The following LRMDA variants were observed in gnomAD, a reference collection of about 807,000 sequenced individuals.
LRMDA encodes leucine-rich melanocyte differentiation-associated protein.
LRMDA carries 18 observed loss-of-function variants against 29.8 expected under a neutral mutation model. That is an observed-to-expected ratio of 0.60 (90% CI 0.42 to 0.90). The LOEUF (loss-of-function observed/expected upper bound fraction) is 0.90, where lower values mean the gene tolerates loss of function less well. Ranked by LOEUF, LRMDA falls within the 40% of genes least tolerant of loss-of-function variation. LRMDA has a pLI of 0.00. For missense variants in LRMDA, 273 were observed against 273.9 expected (o/e 1.00, Z 0.02); for synonymous variants, 125 against 109.4 (o/e 1.14, Z -0.89).
chr10:75,662,938 G>A (rs1364916308), intron 2 of LRMDA, among the ~76,000 whole-genome samples: 8 of 152,166 alleles, frequency 5.3e-5, no homozygotes, highest in Admixed American at 2.0e-4. Flanking sequence ...GGTGCCTTGC[G>A]TAACCATGGT....
chr10:76,217,249 A>G (rs1851744766), intron 5 of LRMDA, among the ~76,000 whole-genome samples: 1 of 152,232 alleles, frequency 6.6e-6, no homozygotes, highest in African/African-American at 2.4e-5. Context: ...CAACTGCAAT[A>G]TAGTGACATG....
chr10:75,664,609 G>A (rs1431920222), intron 2 of LRMDA, among the ~76,000 whole-genome samples: 1 of 152,188 alleles, frequency 6.6e-6, no homozygotes, highest in Non-Finnish European at 1.5e-5. Flanking sequence ...CATCAGGGAA[G>A]TCTACATGAA....
intron 2 of LRMDA, among the ~76,000 whole-genome samples, chr10:75,940,583 T>C (rs1386839905): frequency 6.6e-6 from 1 of 152,174 alleles, no homozygotes; most frequent in African/African-American, 2.4e-5. Flanking sequence ...ACTTTCTGTC[T>C]TGTGTTAGAG....
At chr10:75,495,641 C>CTTTGAGATCCA (rs1845035779) in intron 2 of LRMDA, among the ~76,000 whole-genome samples, 1 of 152,188 alleles carries the variant, frequency 6.6e-6, no homozygotes, top group Non-Finnish European at 1.5e-5. Flanking sequence ...AGGGCAACCC[C>CTTTGAGATCCA]TTTGAGATCC....
At chr10:75,905,855 T>A (rs1845749263) in intron 2 of LRMDA, among the ~76,000 whole-genome samples, 2 of 152,122 alleles carry the variant, frequency 1.3e-5, no homozygotes, top group Admixed American at 1.3e-4. Flanking sequence ...TCTCTCTGTC[T>A]AAGGCATTCA....
rs150522711 is a variant in LRMDA at position 75,785,762 on chromosome 10, G to A, written c.132-250246G>A. 5.2e-3 allele frequency among the ~76,000 whole-genome samples: 797 copies of A among 152,300 alleles called. 11 individuals carry two copies. Among genetic ancestry groups the A allele is most frequent in the African/African-American group, 0.018 (765 of 41,566 alleles). On this transcript the variant is annotated intron_variant, in intron 2 of 6. Transcript: ENST00000611255. ...AATCTATCAAAACGATAGATATTTA[G>A]CCTCTTTACTGGATATGAAACATTA...
chr10:76,462,545 C>T (rs149659864), intron 6 of LRMDA, among the ~76,000 whole-genome samples: 131 of 152,276 alleles, frequency 8.6e-4, no homozygotes, highest in African/African-American at 2.9e-3. Context: ...GCCGCTATAG[C>T]TAGATGTCTC....
chr10:76,525,243 G>A (rs547389290), intron 6 of LRMDA, among the ~76,000 whole-genome samples: 41 of 152,274 alleles, frequency 2.7e-4, no homozygotes, highest in African/African-American at 9.4e-4. Context: ...AGTTTCATAG[G>A]TAATCAGTAT....
chr10:75,855,464 G>A (rs1844809292), intron 2 of LRMDA, among the ~76,000 whole-genome samples: 2 of 152,172 alleles, frequency 1.3e-5, no homozygotes, highest in South Asian at 2.1e-4. Context: ...CTGGGTATTA[G>A]CCCTTTGTCA....
At chr10:75,621,424 A>G (rs1841184935) in intron 2 of LRMDA, among the ~76,000 whole-genome samples, 1 of 152,216 alleles carries the variant, frequency 6.6e-6, no homozygotes. Context: ...AGTCTCATGC[A>G]GTGCTCAGCA....
intron 2 of LRMDA, among the ~76,000 whole-genome samples, chr10:75,604,397 A>G (rs1342993334): frequency 6.6e-6 from 1 of 152,120 alleles, no homozygotes; most frequent in Non-Finnish European, 1.5e-5. Context: ...TGGGACACAA[A>G]AATTCAATTT....
chr10:76,037,099 A>G (rs189191673), intron 3 of LRMDA, among the ~76,000 whole-genome samples: 115 of 152,282 alleles, frequency 7.6e-4, no homozygotes, highest in African/African-American at 2.6e-3. Context: ...GCCCTGTGAG[A>G]AGGGTGTGTC....
At position 76,369,420 on chromosome 10, in the gene LRMDA, A is replaced by G. The variant is rs182227978; in HGVS notation, c.601+44935A>G. ...TCTTGCCTGATAATTGTTTTGTTTG[A>G]GGAGCCTGAAGATAGGTCCCCAATC... On this transcript the variant is annotated intron_variant, in intron 6 of 6. Coordinates refer to ENST00000611255, the MANE Select transcript of LRMDA (RefSeq NM_001305581.2). Among the ~76,000 whole-genome samples the G allele has an allele frequency of 3.1e-3, 471 of 152,198 alleles. 3 individuals carry two copies. Among genetic ancestry groups the G allele is most frequent in the African/African-American group, 0.011 (441 of 41,530 alleles).
At chr10:76,234,112 G>A (rs931575823) in intron 5 of LRMDA, among the ~76,000 whole-genome samples, 2 of 152,160 alleles carry the variant, frequency 1.3e-5, no homozygotes, top group Admixed American at 6.5e-5. Flanking sequence ...AAGAGGACTT[G>A]AAACTTGAAA....
At chr10:75,659,544 C>A (rs1177932993) in intron 2 of LRMDA, among the ~76,000 whole-genome samples, 2 of 152,204 alleles carry the variant, frequency 1.3e-5, no homozygotes, top group Non-Finnish European at 2.9e-5. Flanking sequence ...ACAAGCCAGA[C>A]ACTGAAAGAC....
At chr10:76,044,613 T>C (rs768173916) in intron 3 of LRMDA, among the ~76,000 whole-genome samples, 15 of 152,086 alleles carry the variant, frequency 9.9e-5, no homozygotes, top group Non-Finnish European at 1.8e-4. Flanking sequence ...GTGTATTTTG[T>C]CTCCAGGGAT....
intron 2 of LRMDA, among the ~76,000 whole-genome samples, chr10:75,444,907 T>C (rs998553432): frequency 2.0e-5 from 3 of 152,176 alleles, no homozygotes; most frequent in Non-Finnish European, 4.4e-5. Context: ...TTTCCCCATC[T>C]CAATAAATAC....
At chr10:75,662,367 T>C (rs1841765271) in intron 2 of LRMDA, among the ~76,000 whole-genome samples, 1 of 152,152 alleles carries the variant, frequency 6.6e-6, no homozygotes, top group Non-Finnish European at 1.5e-5. Flanking sequence ...GTTTCGTTAT[T>C]GGTAATCCTT....
intron 2 of LRMDA, 54 bp from the exon 3 acceptor site, chr10:76,035,954 T>C (rs978593800): frequency 3.2e-6 from 5 of 1,582,630 alleles, no homozygotes; most frequent in Non-Finnish European, 4.3e-6. Context: ...CGGCTCATAA[T>C]GGCCTCCCTG....
Sources: gnomAD v4.1 joint callset for allele counts (sites outside exome capture counted in the v4.1 genomes callset) on GRCh38, gnomAD v4.1.1 for gene constraint, MANE v1.5 for transcripts, NCBI Gene and HGNC (gene_info 2026-07-23, HGNC 2026-07-21) for gene names.